GABRG3: variants seen among roughly 807,000 people sequenced by gnomAD.
The protein encoded by GABRG3 is gamma-aminobutyric acid type A receptor subunit gamma3, also known as gamma-aminobutyric acid receptor subunit gamma-3.
GABRG3 carries 25 observed loss-of-function variants against 48.8 expected under a neutral mutation model. The observed-to-expected ratio is 0.51, with a 90% CI of 0.37 to 0.72. The LOEUF (loss-of-function observed/expected upper bound fraction) is 0.72. Among genes scored for constraint, GABRG3 ranks in the 30% least tolerant of loss-of-function variants. The pLI is 0.00. For synonymous variants in GABRG3, 227 were observed against 217.6 expected (o/e 1.04, Z -0.38); for missense variants, 394 against 577.9 (o/e 0.68, Z 3.26).
chr15:27,151,806 C>G (rs182715576), intron 3 of GABRG3, among the ~76,000 whole-genome samples: 6 of 152,194 alleles, frequency 3.9e-5, no homozygotes, highest in Non-Finnish European at 7.3e-5. Context: ...TTTCCCCTAG[C>G]GCCTCCAGAA....
chr15:26,987,001 C>T (rs1301473260), intron 2 of GABRG3, among the ~76,000 whole-genome samples: 6 of 152,164 alleles, frequency 3.9e-5, no homozygotes, highest in Admixed American at 3.9e-4. Flanking sequence ...GTAAGAATTA[C>T]AGGTAATGCA....
At chr15:27,156,398 G>A (rs1898430159) in intron 3 of GABRG3, among the ~76,000 whole-genome samples, 1 of 150,776 alleles carries the variant, frequency 6.6e-6, no homozygotes, top group African/African-American at 2.4e-5. Context: ...GGCTTCTGTT[G>A]AGAATTTTTA....
chr15:27,096,471 T>C (rs1256576698), intron 3 of GABRG3, among the ~76,000 whole-genome samples: 1 of 152,246 alleles, frequency 6.6e-6, no homozygotes, highest in Non-Finnish European at 1.5e-5. Flanking sequence ...CTTTGGACTT[T>C]GAAGCCAGGG....
chr15:27,531,296 G>A (rs1891418267), intron 9 of GABRG3, among the ~76,000 whole-genome samples: 1 of 152,204 alleles, frequency 6.6e-6, no homozygotes, highest in Non-Finnish European at 1.5e-5. Context: ...TGCAAGTCCT[G>A]AATCTGAGTG....
chr15:27,040,362 C>A (rs1170830899), intron 3 of GABRG3, among the ~76,000 whole-genome samples: 2 of 152,224 alleles, frequency 1.3e-5, no homozygotes, highest in Admixed American at 6.5e-5. Flanking sequence ...TCCCATAGGG[C>A]ATAGCTGACT....
chr15:27,049,277 T>G (rs1896415732), intron 3 of GABRG3, among the ~76,000 whole-genome samples: 1 of 152,258 alleles, frequency 6.6e-6, no homozygotes, highest in South Asian at 2.1e-4. Flanking sequence ...CTTCAGGTAG[T>G]TCATGCTTTC....
intron 5 of GABRG3, among the ~76,000 whole-genome samples, chr15:27,331,516 G>T (rs1893801191): frequency 6.6e-6 from 1 of 152,176 alleles, no homozygotes; most frequent in Non-Finnish European, 1.5e-5. Context: ...TCTGATTCCA[G>T]CTATATGATA....
At chr15:27,076,433 C>T (rs1320915603) in intron 3 of GABRG3, among the ~76,000 whole-genome samples, 1 of 150,568 alleles carries the variant, frequency 6.6e-6, no homozygotes, top group East Asian at 2.0e-4. Flanking sequence ...AAGCGATTCT[C>T]CTGCCTCAGC....
chr15:26,990,572 G>A (rs566585582), intron 2 of GABRG3, among the ~76,000 whole-genome samples: 1 of 152,200 alleles, frequency 6.6e-6, no homozygotes, highest in East Asian at 1.9e-4. Context: ...CCATCTGTGA[G>A]TTGTCTCTTT....
chr15:27,373,756 C>T (rs570425577), intron 5 of GABRG3, among the ~76,000 whole-genome samples: 12 of 152,156 alleles, frequency 7.9e-5, no homozygotes, highest in South Asian at 2.1e-4. Context: ...GTTTTCTCTC[C>T]GGATGATTTA....
rs542398073 is a variant in GABRG3, at chr15:27,348,993, A to T, written c.574+20105A>T. Among the ~76,000 whole-genome samples, 8 of 152,334 alleles carry T rather than the reference A, an allele frequency of 5.3e-5. No individual in the cohort carries two copies. In the East Asian group the frequency reaches 1.5e-3, roughly 29 times the overall value. On this transcript the variant is annotated intron_variant, in intron 5 of 9. Coordinates refer to ENST00000615808, the MANE Select transcript of GABRG3 (RefSeq NM_033223.5). ...CTGGAGAGGGACAGTATAGAGCCAG[A>T]TAGACCAGTTAGACAGTTGGTGTCA...
chr15:26,974,837 T>C lies in GABRG3; in HGVS notation c.54-2165T>C, dbSNP rs894390893. Among the ~76,000 whole-genome samples the C allele has an allele frequency of 2.2e-5, 3 of 137,642 alleles. No individual in the cohort carries two copies. Among genetic ancestry groups the C allele is most frequent in the African/African-American group, 8.2e-5 (3 of 36,652 alleles). The allele number at this position is 137,642 out of a possible 152,430, so 90.3% of individuals were successfully genotyped here. ...ATATTTCAGATGACACGAAATATTT[T>C]TTAAATTTATTATTATTATTATTAT... On this transcript the variant is annotated intron_variant, in intron 1 of 9. Coordinates refer to ENST00000615808, the MANE Select transcript of GABRG3 (RefSeq NM_033223.5). The surrounding 1 kb of genome is among the most constrained non-coding windows in gnomAD (Gnocchi z 4.3).
intron 2 of GABRG3, among the ~76,000 whole-genome samples, chr15:27,008,938 G>A (rs1895636991): frequency 6.6e-6 from 1 of 152,136 alleles, no homozygotes; most frequent in Non-Finnish European, 1.5e-5. Flanking sequence ...TTCAGCTGCA[G>A]CCCCCATGGA....
chr15:27,402,014 A>G (rs1004659482), intron 5 of GABRG3, among the ~76,000 whole-genome samples: 4 of 152,194 alleles, frequency 2.6e-5, no homozygotes, highest in Non-Finnish European at 5.9e-5. Flanking sequence ...ATAGCTGGTA[A>G]CCCCATTATT....
At chr15:26,988,640 T>C (rs1895192902) in intron 2 of GABRG3, among the ~76,000 whole-genome samples, 2 of 152,186 alleles carry the variant, frequency 1.3e-5, no homozygotes, top group African/African-American at 4.8e-5. Flanking sequence ...ACCATTTATA[T>C]TTACTGTTGC....
intron 5 of GABRG3, among the ~76,000 whole-genome samples, chr15:27,470,786 C>T (rs530398672): frequency 1.3e-5 from 2 of 151,782 alleles, no homozygotes; most frequent in Non-Finnish European, 2.9e-5. Context: ...TTAATGTAGA[C>T]AATTTTGTAA....
At chr15:27,305,622 TATATA>T (rs927397932) in intron 3 of GABRG3, among the ~76,000 whole-genome samples, 1 of 140,846 alleles carries the variant, frequency 7.1e-6, no homozygotes, top group African/African-American at 2.6e-5. Context: ...TATAAACATA[TATATA>T]ATATAAACCT....
chr15:27,081,931 G>C (rs1416766751), intron 3 of GABRG3, among the ~76,000 whole-genome samples: 3 of 152,342 alleles, frequency 2.0e-5, no homozygotes, highest in Admixed American at 6.5e-5. Context: ...TCACTGAATT[G>C]AGTTCTAATC....
intron 5 of GABRG3, among the ~76,000 whole-genome samples, chr15:27,392,271 A>T (rs113431640): frequency 6.6e-6 from 1 of 152,304 alleles, no homozygotes; most frequent in African/African-American, 2.4e-5. Flanking sequence ...CCTGTCCAAG[A>T]TACCACATTG....
Sources: gnomAD v4.1 joint callset for allele counts (sites outside exome capture counted in the v4.1 genomes callset) on GRCh38, gnomAD v4.1.1 for gene constraint, Gnocchi (gnomAD v3.1) non-coding constraint, MANE v1.5 for transcripts, NCBI Gene and HGNC (gene_info 2026-07-23, HGNC 2026-07-21) for gene names.